MARCKS: variants seen among roughly 807,000 people sequenced by gnomAD.
MARCKS encodes the protein myristoylated alanine rich protein kinase C substrate.
MARCKS carries 4 observed loss-of-function variants against 6.3 expected under a neutral mutation model. The ratio of observed to expected loss-of-function variants is 0.63; its 90% confidence interval spans 0.31 to 1.45. The LOEUF (loss-of-function observed/expected upper bound fraction) is 1.45. MARCKS is among the 40% of genes most tolerant of loss of function. MARCKS has a pLI of 0.07. For synonymous variants in MARCKS, 289 were observed against 236.5 expected (o/e 1.22, Z -2.04); for missense variants, 636 against 485.7 (o/e 1.31, Z -2.91).
Position 113,860,748 on chromosome 6 carries a change from T to C in MARCKS, c.*169T>C. ...GCACCAAATTTTGTTGTTTTTTTTT[T>C]TTCTCCCCTCCCCACAGATCCCATC... On this transcript the variant is annotated 3_prime_UTR_variant, in exon 2 of 2. Coordinates refer to ENST00000612661, the MANE Select transcript of MARCKS (RefSeq NM_002356.7). 2.4e-6 allele frequency: 1 copy of C among 416,626 alleles called. No individual in the cohort carries two copies. Among genetic ancestry groups the C allele is most frequent in the South Asian group, 4.5e-5 (1 of 22,024 alleles). 25.8% of individuals were successfully genotyped at this position (416,626 alleles called of 1,614,324 possible). A position where few individuals can be genotyped will look rare whatever the true frequency, so the allele number is the denominator to read the frequency against.
chr6:113,860,526 G>A lies in MARCKS; in HGVS notation c.946G>A (p.Glu316Lys). Residue 316 changes from glutamate (E) to lysine (K), a missense_variant, in exon 2 of 2, where the codon GAG becomes AAG. By Grantham distance (56) the Glu-to-Lys change is moderately conservative. Transcript: ENST00000612661. ...GTCAGCCTGCGCAGCCCCCTCACAG[G>A]AGGCCCAGCCCGAGTGCAGTCCAGA... is the stretch of plus-strand genomic sequence containing the variant. Reference protein sequence around the residue: ...ASSACAAPSQEAQPECSPEAP... With the variant: ...ASSACAAPSQKAQPECSPEAP... The A allele has an allele frequency of 6.4e-7, 1 of 1,554,630 alleles. No individual in the cohort carries two copies. Among genetic ancestry groups the A allele is most frequent in the African/African-American group, 1.4e-5 (1 of 70,160 alleles).
Position 113,859,750 on chromosome 6 carries a change from A to G in MARCKS, c.170A>G (p.Glu57Gly), listed in dbSNP as rs1424141384. The G allele has an allele frequency of 6.7e-7, 1 of 1,493,666 alleles. No individual in the cohort carries two copies. 92.5% of individuals were successfully genotyped at this position (1,493,666 alleles called of 1,614,324 possible). A position where few individuals can be genotyped will look rare whatever the true frequency, so the allele number is the denominator to read the frequency against. Residue 57 changes from glutamate (E) to glycine (G), a missense_variant, in exon 2 of 2, where the codon GAG (glutamate) becomes GGG (glycine). By Grantham distance (98) the Glu-to-Gly change is moderately conservative. Transcript: ENST00000612661. ...GCCGCCGAGTCGGGCGCCAAGGAGG[A>G]GCTGCAGGCCAACGGCAGCGCCCCG... The part of the protein sequence containing the change: ...PAAAESGAKE[E>G]LQANGSAPAA...
chr6:113,857,820 C>T lies in MARCKS; in HGVS notation c.75C>T (p.Ala25=). 1 of 1,606,034 alleles carries T rather than the reference C, an allele frequency of 6.2e-7. No homozygotes were observed. The highest frequency in any genetic ancestry group is 1.7e-5 in the Admixed American group (1 of 59,284). The part of the protein sequence containing the change: ...AAERPGEAAV[A]SSPSKANGQE... ...AGAGGCCTGGGGAGGCGGCTGTGGC[C>T]TCGTCGCCTTCCAAAGCGAACGGAC... The change falls in exon 1 of 2, where the codon GCC becomes GCT. Residue 25 remains alanine (A), a synonymous_variant. Transcript: ENST00000612661.
In MARCKS at chr6:113,861,587, C is replaced by A. The variant is rs1774902099; in HGVS notation, c.*1008C>A. ...AGCAGATAATGCTTTCTTTTCCAGTCGTCTTTGAGAATAAAGGAAAAAAAA... is the reference window on the plus strand; with the variant it reads ...AGCAGATAATGCTTTCTTTTCCAGTAGTCTTTGAGAATAAAGGAAAAAAAA... On this transcript the variant is annotated 3_prime_UTR_variant, in exon 2 of 2. Coordinates refer to ENST00000612661, the MANE Select transcript of MARCKS (RefSeq NM_002356.7). 1 of 147,234 alleles carries A rather than the reference C, an allele frequency of 6.8e-6. No individual in the cohort carries two copies. The highest frequency in any genetic ancestry group is 2.5e-5 in the African/African-American group (1 of 40,070). The allele number at this position is 147,234 out of a possible 1,614,324, so 9.1% of individuals were successfully genotyped here. A position where few individuals can be genotyped will look rare whatever the true frequency, so the allele number is the denominator to read the frequency against.
Position 113,860,090 on chromosome 6 carries a change from C to T in MARCKS, c.510C>T (p.Ser170=). 1.3e-6 allele frequency: 2 copies of T among 1,569,838 alleles called. No homozygotes were observed. The highest frequency in any genetic ancestry group is 1.7e-4 in the Middle Eastern group (1 of 5,808). Residue 170 remains serine (S), a synonymous_variant, in exon 2 of 2, where the codon TCC becomes TCT. Coordinates refer to ENST00000612661, the MANE Select transcript of MARCKS (RefSeq NM_002356.7). ...FKKSFKLSGF[S]FKKNKKEAGE... Reference sequence around the variant, plus strand: ...AGTCTTTCAAGCTGAGCGGCTTCTCCTTCAAGAAGAACAAGAAGGAGGCTG... The same window carrying T: ...AGTCTTTCAAGCTGAGCGGCTTCTCTTTCAAGAAGAACAAGAAGGAGGCTG...
chr6:113,860,221 A>AGGCAGCGGCGCCGGGCGAGGAGGC lies in MARCKS; in HGVS notation c.650_673dup (p.Ala217_Ala224dup). ...GAGGCGGGCGCGGCCTCCGGGGAGC[A>AGGCAGCGGCGCCGGGCGAGGAGGC]GGCAGCGGCGCCGGGCGAGGAGGCG... On this transcript the variant is annotated inframe_insertion, in exon 2 of 2. Transcript: ENST00000612661. The AGGCAGCGGCGCCGGGCGAGGAGGC allele has an allele frequency of 9.2e-7, 1 of 1,084,962 alleles. No individual in the cohort carries two copies. 67.2% of individuals were successfully genotyped at this position (1,084,962 alleles called of 1,614,324 possible).
At chr6:113,858,854 C>T (rs1197007033) in intron 1 of MARCKS, among the ~76,000 whole-genome samples, 1 of 152,268 alleles carries the variant, frequency 6.6e-6, no homozygotes, top group Non-Finnish European at 1.5e-5. Flanking sequence ...TTCGCAGAAT[C>T]GCAGGGGAAG....
chr6:113,860,195 C>T lies in MARCKS; in HGVS notation c.615C>T (p.Ala205=), dbSNP rs770341869. ...CCGGGGGCGCAGCTGCGGCCGCCGCCGAGGCGGGCGCGGCCTCCGGGGAGC... is the reference window on the plus strand; with the variant it reads ...CCGGGGGCGCAGCTGCGGCCGCCGCTGAGGCGGGCGCGGCCTCCGGGGAGC... ...EAAGGAAAAA[A]EAGAASGEQA... Residue 205 remains alanine (A), a synonymous_variant, in exon 2 of 2, where the codon GCC becomes GCT. Coordinates refer to ENST00000612661, the MANE Select transcript of MARCKS (RefSeq NM_002356.7). 3.7e-5 allele frequency: 42 copies of T among 1,150,112 alleles called. No homozygotes were observed. The African/African-American group carries it at 6.3e-4, about 17-fold the overall frequency. 71.2% of individuals were successfully genotyped at this position (1,150,112 alleles called of 1,614,324 possible). A position where few individuals can be genotyped will look rare whatever the true frequency, so the allele number is the denominator to read the frequency against.
At chr6:113,858,669 C>G (rs1774827744) in intron 1 of MARCKS, among the ~76,000 whole-genome samples, 1 of 152,200 alleles carries the variant, frequency 6.6e-6, no homozygotes, top group Non-Finnish European at 1.5e-5. Context: ...TGGGTGGACC[C>G]GAGAGGTCGG....
At position 113,857,634 on chromosome 6, in the gene MARCKS, T is replaced by TGCCGCTGTTGCC; in HGVS notation, c.-106_-95dup. ...CCCCTCCCTCCGGTGTGTGTGCCGC[T>TGCCGCTGTTGCC]GCCGCTGTTGCCGCCGCCGCTGCTG... On this transcript the variant is annotated 5_prime_UTR_variant, in exon 1 of 2. Coordinates refer to ENST00000612661, the MANE Select transcript of MARCKS (RefSeq NM_002356.7). 6 of 399,396 alleles carry TGCCGCTGTTGCC rather than the reference T, an allele frequency of 1.5e-5. No homozygotes were observed. Among genetic ancestry groups the TGCCGCTGTTGCC allele is most frequent in the South Asian group, 1.1e-4 (6 of 55,998 alleles). The allele number at this position is 399,396 out of a possible 1,614,324, so 24.7% of individuals were successfully genotyped here.
intron 1 of MARCKS, among the ~76,000 whole-genome samples, chr6:113,858,128 T>C (rs1056743282): frequency 1.3e-5 from 2 of 152,124 alleles, no homozygotes; most frequent in African/African-American, 4.8e-5. Context: ...CGTGACTAGC[T>C]AGGTGCCCTC....
rs560738308 is a variant in MARCKS at position 113,860,549 on chromosome 6, A to G, written c.969A>G (p.Pro323=). 7.1e-5 allele frequency: 111 copies of G among 1,559,766 alleles called. 1 individual carries two copies. Among genetic ancestry groups the G allele is most frequent in the South Asian group, 4.8e-4 (42 of 86,644 alleles). The change falls in exon 2 of 2, where the codon CCA becomes CCG. Residue 323 remains proline (P), a synonymous_variant. Transcript: ENST00000612661. ...AGGAGGCCCAGCCCGAGTGCAGTCC[A>G]GAAGCCCCCCCAGCGGAGGCGGCAG... ...PSQEAQPECS[P]EAPPAEAAE
chr6:113,859,525 G>C (rs1774842439), intron 1 of MARCKS, among the ~76,000 whole-genome samples, 158 bp from the exon 2 acceptor site: 1 of 152,010 alleles, frequency 6.6e-6, no homozygotes, highest in Non-Finnish European at 1.5e-5. Flanking sequence ...TCTCTTCTGG[G>C]CATCCACCCG....
In MARCKS at chr6:113,860,307, G is replaced by A. The variant is rs1454182953; in HGVS notation, c.727G>A (p.Ala243Thr). 8 of 1,288,416 alleles carry A rather than the reference G, an allele frequency of 6.2e-6. No homozygotes were observed. The South Asian group carries it at 8.1e-5, about 13-fold the overall frequency. 79.8% of individuals were successfully genotyped at this position (1,288,416 alleles called of 1,614,324 possible). ...GCAGGAGGCCAAGCCCCAGGAGGCC[G>A]CTGTCGCGCCAGAGAAGCCGCCCGC... ...DPQEAKPQEA[A>T]VAPEKPPASD... The change falls in exon 2 of 2, where the codon GCT becomes ACT. Residue 243 changes from alanine to threonine, a missense_variant. Physicochemically the swap from Ala to Thr is moderately conservative, Grantham distance 58. Coordinates refer to ENST00000612661, the MANE Select transcript of MARCKS (RefSeq NM_002356.7).
chr6:113,860,330 C>A lies in MARCKS; in HGVS notation c.750C>A (p.Pro250=). The A allele has an allele frequency of 7.6e-7, 1 of 1,307,232 alleles. No individual in the cohort carries two copies. The highest frequency in any genetic ancestry group is 1.0e-6 in the Non-Finnish European group (1 of 1,002,772). The allele number at this position is 1,307,232 out of a possible 1,614,324, so 81.0% of individuals were successfully genotyped here. The change falls in exon 2 of 2, where the codon CCC becomes CCA. Residue 250 remains proline (P), a synonymous_variant. Transcript: ENST00000612661. Reference sequence around the variant, plus strand: ...CCGCTGTCGCGCCAGAGAAGCCGCCCGCCAGCGACGAGACCAAGGCCGCCG... The same window carrying A: ...CCGCTGTCGCGCCAGAGAAGCCGCCAGCCAGCGACGAGACCAAGGCCGCCG... ...QEAAVAPEKP[P]ASDETKAAEE... is the part of the protein sequence containing the mutation.
In MARCKS at chr6:113,860,261, G is replaced by C; in HGVS notation, c.681G>C (p.Glu227Asp). ...APGEEAAAGE[E>D]GAAGGDPQEA... is the part of the protein sequence containing the mutation. ...GCGAGGAGGCGGCAGCGGGCGAGGA[G>C]GGGGCGGCGGGTGGCGACCCGCAGG... The change falls in exon 2 of 2, where the codon GAG becomes GAC. Residue 227 changes from glutamate to aspartate, a missense_variant. Glu to Asp is a conservative substitution (Grantham distance 45). Coordinates refer to ENST00000612661, the MANE Select transcript of MARCKS (RefSeq NM_002356.7). 1 of 1,139,044 alleles carries C rather than the reference G, an allele frequency of 8.8e-7. No homozygotes were observed. 70.6% of individuals were successfully genotyped at this position (1,139,044 alleles called of 1,614,324 possible). A position where few individuals can be genotyped will look rare whatever the true frequency, so the allele number is the denominator to read the frequency against.
chr6:113,859,801 C>G lies in MARCKS; in HGVS notation c.221C>G (p.Ala74Gly). The G allele has an allele frequency of 7.3e-7, 1 of 1,366,004 alleles. No individual in the cohort carries two copies. 84.6% of individuals were successfully genotyped at this position (1,366,004 alleles called of 1,614,324 possible). ...GCCGCCGACAAGGAGGAGCCCGCGG[C>G]CGCCGGGAGCGGGGCGGCGTCGCCC... ...APAADKEEPA[A>G]AGSGAASPSA... The change falls in exon 2 of 2, where the codon GCC becomes GGC. Residue 74 changes from alanine to glycine, a missense_variant. Coordinates refer to ENST00000612661, the MANE Select transcript of MARCKS (RefSeq NM_002356.7).
chr6:113,860,735 G>GTT lies in MARCKS; in HGVS notation c.*157_*158dup. The GTT allele has an allele frequency of 2.4e-6, 1 of 420,066 alleles. No homozygotes were observed. The highest frequency in any genetic ancestry group is 3.9e-6 in the Non-Finnish European group (1 of 258,926). The allele number at this position is 420,066 out of a possible 1,614,324, so 26.0% of individuals were successfully genotyped here. A position where few individuals can be genotyped will look rare whatever the true frequency, so the allele number is the denominator to read the frequency against. ...TACTTTTTTTTAAGCACCAAATTTT[G>GTT]TTGTTTTTTTTTTTTCTCCCCTCCC... On this transcript the variant is annotated 3_prime_UTR_variant, in exon 2 of 2. Transcript: ENST00000612661.
chr6:113,859,641 C>A (rs1582439913), intron 1 of MARCKS, 42 bp from the exon 2 acceptor site: 1 of 1,440,038 alleles, frequency 6.9e-7, no homozygotes, highest in East Asian at 3.1e-5. Context: ...ATGGCGGCGC[C>A]CCGGCCGCTT....
Sources: allele counts gnomAD v4.1 joint callset (sites outside exome capture counted in the v4.1 genomes callset), GRCh38; gene constraint gnomAD v4.1.1; transcripts MANE v1.5; gene names NCBI Gene and HGNC (gene_info 2026-07-23, HGNC 2026-07-21).